PTPRD: variants seen among roughly 807,000 people sequenced by gnomAD.
PTPRD encodes the protein receptor-type tyrosine-protein phosphatase delta.
A neutral mutation model predicts 214.5 loss-of-function variants in PTPRD; 34 were observed. The observed-to-expected ratio is 0.16, with a 90% confidence interval of 0.12 to 0.21. The LOEUF (loss-of-function observed/expected upper bound fraction) is 0.21, where lower values mean the gene tolerates loss of function less well. Ranked by LOEUF, PTPRD falls within the 10% of genes least tolerant of loss-of-function variation. The pLI is 1.00. For missense variants in PTPRD, 2,545 were observed against 2,398.7 expected (o/e 1.06, Z -1.27); for synonymous variants, 1,128 against 845.7 (o/e 1.33, Z -5.79).
At chr9:10,599,672 C>A in intron 2 of PTPRD, among the ~76,000 whole-genome samples, 1 of 151,716 alleles carries the variant, frequency 6.6e-6, no homozygotes, top group East Asian at 1.9e-4. Flanking sequence ...TTCTTCTATT[C>A]ATTTGGTTGT....
intron 14 of PTPRD, among the ~76,000 whole-genome samples, chr9:8,594,731 T>C (rs1008428588): frequency 6.6e-6 from 1 of 152,174 alleles, no homozygotes; most frequent in Non-Finnish European, 1.5e-5. Context: ...TCTGCCATGA[T>C]TCTAAGTTTC....
intron 11 of PTPRD, among the ~76,000 whole-genome samples, chr9:8,837,107 C>T (rs970841671): frequency 5.3e-5 from 8 of 149,680 alleles, no homozygotes; most frequent in Non-Finnish European, 1.0e-4. Flanking sequence ...CTCACTCCAA[C>T]CTCCGCCTTC....
chr9:8,858,829 A>ACACACACG (rs201089383), intron 11 of PTPRD, among the ~76,000 whole-genome samples: 1 of 129,942 alleles, frequency 7.7e-6, no homozygotes, highest in East Asian at 2.1e-4. Context: ...ACACACACAC[A>ACACACACG]TACACACACA....
chr9:9,109,068 G>A (rs748918384), intron 10 of PTPRD, among the ~76,000 whole-genome samples: 1 of 152,248 alleles, frequency 6.6e-6, no homozygotes, highest in African/African-American at 2.4e-5. Context: ...ATATGGGGAT[G>A]GGGTGGTGAA....
chr9:8,674,762 G>A (rs1009389313), intron 12 of PTPRD, among the ~76,000 whole-genome samples: 3 of 152,244 alleles, frequency 2.0e-5, no homozygotes, highest in African/African-American at 7.2e-5. Flanking sequence ...GGAAAAAAAT[G>A]CTTCTCATTT....
intron 10 of PTPRD, among the ~76,000 whole-genome samples, chr9:9,066,060 G>C (rs1047835659): frequency 6.6e-6 from 1 of 152,128 alleles, no homozygotes; most frequent in African/African-American, 2.4e-5. Context: ...TATCATTGGA[G>C]GGATTCAGTT....
chr9:8,437,008 T>A (rs1243696115), intron 34 of PTPRD, among the ~76,000 whole-genome samples: 1 of 152,206 alleles, frequency 6.6e-6, no homozygotes, highest in Non-Finnish European at 1.5e-5. Flanking sequence ...TGATGTCAAC[T>A]TCTGCTTTGA....
rs962205072 is a variant in PTPRD, at chr9:8,502,286, A to G, written c.1823-1227T>C. ...AACACAAGTCCATACACACACGCAT[A>G]TATTTTTAAAGCAATGTATATGGTA... On this transcript the variant is annotated intron_variant, in intron 23 of 45. Coordinates refer to ENST00000381196, the MANE Select transcript of PTPRD (RefSeq NM_002839.4). Among the ~76,000 whole-genome samples the G allele has an allele frequency of 5.9e-5, 9 of 152,168 alleles. No homozygotes were observed. In the South Asian group the frequency reaches 6.2e-4, roughly 11 times the overall value.
intron 4 of PTPRD, among the ~76,000 whole-genome samples, chr9:9,992,327 A>G (rs1385586099): frequency 6.6e-6 from 1 of 152,216 alleles, no homozygotes; most frequent in Non-Finnish European, 1.5e-5. Context: ...GTAAAGAAAA[A>G]TAACGTATTC....
chr9:9,777,676 A>G (rs1469643563), intron 5 of PTPRD, among the ~76,000 whole-genome samples: 1 of 152,196 alleles, frequency 6.6e-6, no homozygotes, highest in East Asian at 1.9e-4. Context: ...TAGTGTGCGC[A>G]ACAGAGTGAG....
chr9:10,496,503 T>C (rs1392943421), intron 2 of PTPRD, among the ~76,000 whole-genome samples: 1 of 152,042 alleles, frequency 6.6e-6, no homozygotes, highest in African/African-American at 2.4e-5. Flanking sequence ...TTTAAAAACC[T>C]GCTTTAAGTT....
At chr9:8,354,298 G>C (rs1377571552) in intron 39 of PTPRD, among the ~76,000 whole-genome samples, 1 of 151,688 alleles carries the variant, frequency 6.6e-6, no homozygotes, top group African/African-American at 2.4e-5. Flanking sequence ...AGAAGTAACA[G>C]CAAAATAAAC....
chr9:9,926,005 AG>A (rs1460185663), intron 5 of PTPRD, among the ~76,000 whole-genome samples: 3 of 151,860 alleles, frequency 2.0e-5, no homozygotes, highest in African/African-American at 7.3e-5. Flanking sequence ...ATTTTTTTTA[AG>A]TTTTTGTAGA....
chr9:9,334,469 A>G (rs1202548077), intron 9 of PTPRD, among the ~76,000 whole-genome samples: 1 of 151,978 alleles, frequency 6.6e-6, no homozygotes, highest in Non-Finnish European at 1.5e-5. Flanking sequence ...AGTTTCCCTA[A>G]CTTTTCCATC....
intron 10 of PTPRD, among the ~76,000 whole-genome samples, chr9:9,086,833 C>T (rs376607483): frequency 2.8e-4 from 43 of 151,936 alleles, no homozygotes; most frequent in African/African-American, 8.9e-4. Context: ...GGGAATTGGG[C>T]CAGTGAAACA....
chr9:10,088,360 T>C (rs2098383061), intron 3 of PTPRD, among the ~76,000 whole-genome samples: 2 of 151,884 alleles, frequency 1.3e-5, no homozygotes, highest in South Asian at 4.1e-4. Flanking sequence ...GAAACAATTC[T>C]TCAATATATA....
chr9:9,402,911 G>A (rs2071279062), intron 8 of PTPRD, among the ~76,000 whole-genome samples: 1 of 145,234 alleles, frequency 6.9e-6, no homozygotes. Flanking sequence ...GTAGTGAGAG[G>A]GCATATGGTA....
At chr9:10,454,371 T>C (rs2098887610) in intron 2 of PTPRD, among the ~76,000 whole-genome samples, 1 of 151,532 alleles carries the variant, frequency 6.6e-6, no homozygotes, top group Non-Finnish European at 1.5e-5. Flanking sequence ...ATCATGACAA[T>C]ACATCTCCAG....
intron 3 of PTPRD, among the ~76,000 whole-genome samples, chr9:10,331,232 G>A (rs1435084126): frequency 6.6e-6 from 1 of 151,826 alleles, no homozygotes; most frequent in African/African-American, 2.4e-5. Context: ...AAAGAGGAGT[G>A]CTACTGCAAT....
Sources: gnomAD v4.1 joint callset for allele counts (sites outside exome capture counted in the v4.1 genomes callset) on GRCh38, gnomAD v4.1.1 for gene constraint, MANE v1.5 for transcripts, NCBI Gene and HGNC (gene_info 2026-07-23, HGNC 2026-07-21) for gene names.